ANO3: variants seen among roughly 807,000 people sequenced by gnomAD.
ANO3 encodes anoctamin 3.
ANO3 carries 99 observed loss-of-function variants against 144.8 expected under a neutral mutation model. That is an observed-to-expected ratio of 0.68 (90% confidence interval 0.58 to 0.81). The LOEUF (loss-of-function observed/expected upper bound fraction) is 0.81. Ranked by LOEUF, ANO3 falls within the 30% of genes least tolerant of loss-of-function variation. ANO3 has a pLI of 0.00. For synonymous variants in ANO3, 414 were observed against 392.6 expected, an observed-to-expected ratio of 1.05 and a Z score of -0.64; for missense variants, 905 against 1,202.2, an observed-to-expected ratio of 0.75 and a Z score of 3.66.
chr11:26,287,252 A>C (rs760929352), intron 1 of ANO3: 3 of 152,210 alleles, frequency 2.0e-5, no homozygotes, highest in Non-Finnish European at 4.4e-5. Context: ...CAATTAATAA[A>C]TATGCTATGA....
At chr11:26,522,199 C>CAACAAA (rs1400624457) in intron 6 of ANO3, among the ~76,000 whole-genome samples, 2 of 143,462 alleles carry the variant, frequency 1.4e-5, no homozygotes, top group Non-Finnish European at 3.1e-5. Context: ...AAACAAACAG[C>CAACAAA]AACAACAACA....
chr11:26,631,100 T>G (rs1852762968), intron 18 of ANO3, among the ~76,000 whole-genome samples: 1 of 152,024 alleles, frequency 6.6e-6, no homozygotes, highest in Non-Finnish European at 1.5e-5. Context: ...TGTTTTAACT[T>G]GTCAACTGAA....
intron 1 of ANO3, among the ~76,000 whole-genome samples, chr11:26,414,757 T>TAAAAA (rs763202737): frequency 3.8e-5 from 3 of 79,550 alleles, no homozygotes; most frequent in Non-Finnish European, 6.0e-5. Context: ...TACAGTAAAG[T>TAAAAA]TAAAAAAAAA....
intron 1 of ANO3, among the ~76,000 whole-genome samples, chr11:26,373,097 C>T (rs903210334): frequency 5.9e-5 from 9 of 152,038 alleles, no homozygotes; most frequent in South Asian, 4.1e-4. Context: ...TATGTATATA[C>T]GGGCAGACAC....
At chr11:26,500,761 G>T (rs1032264485) in intron 4 of ANO3, among the ~76,000 whole-genome samples, 30 of 151,306 alleles carry the variant, frequency 2.0e-4, no homozygotes, top group South Asian at 4.2e-4. Flanking sequence ...ACTTTCACTT[G>T]CTTTATGGTA....
chr11:26,385,453 T>TCTC, intron 1 of ANO3, among the ~76,000 whole-genome samples: 1 of 152,214 alleles, frequency 6.6e-6, no homozygotes, highest in East Asian at 1.9e-4. Flanking sequence ...ATGGCTGATT[T>TCTC]CTTCTGCAGG....
intron 17 of ANO3, among the ~76,000 whole-genome samples, chr11:26,618,036 T>A (rs1044587810): frequency 3.3e-5 from 5 of 152,192 alleles, no homozygotes; most frequent in African/African-American, 1.2e-4. Context: ...AAACTAAATA[T>A]GCAGCTAATA....
intron 1 of ANO3, among the ~76,000 whole-genome samples, chr11:26,374,102 A>G (rs1434345051): frequency 6.6e-6 from 1 of 152,212 alleles, no homozygotes; most frequent in African/African-American, 2.4e-5. Context: ...TGTCATAGGT[A>G]CTTGTGTTTT....
Position 26,315,666 on chromosome 11 carries a change from TATCTATCTATCTATCTATCC to T in ANO3, c.-3+5967_-3+5986del, listed in dbSNP as rs538195336. On this transcript the variant is annotated intron_variant, in intron 1 of 26. Coordinates refer to the ANO3 transcript ENST00000525139. ...GGACCTATCTATCTGTCTGTCTATC[TATCTATCTATCTATCTATCC>T]ATCTATCTATCTATCTATCTATCTA... is the stretch of plus-strand genomic sequence containing the variant. Among the ~76,000 whole-genome samples, 594 of 145,024 alleles carry T rather than the reference TATCTATCTATCTATCTATCC, an allele frequency of 4.1e-3. 2 individuals carry two copies. Among genetic ancestry groups the T allele is most frequent in the East Asian group, 0.025 (104 of 4,144 alleles).
At chr11:26,527,559 T>C (rs1021634509) in intron 7 of ANO3, among the ~76,000 whole-genome samples, 8 of 152,120 alleles carry the variant, frequency 5.3e-5, no homozygotes, top group Non-Finnish European at 7.4e-5. Flanking sequence ...GTTTGAAAAG[T>C]GGAAAATTGA....
intron 4 of ANO3, among the ~76,000 whole-genome samples, chr11:26,496,952 C>G (rs1860970871): frequency 7.0e-6 from 1 of 143,800 alleles, no homozygotes; most frequent in Non-Finnish European, 1.5e-5. Context: ...TCACAGATGA[C>G]TGTAAAGAGA....
At chr11:26,637,160 A>T (rs2133048253) in intron 20 of ANO3, among the ~76,000 whole-genome samples, 1 of 152,276 alleles carries the variant, frequency 6.6e-6, no homozygotes. Context: ...ACCCACAAAA[A>T]CTATTGGACC....
In ANO3 at chr11:26,292,909, C is replaced by T. The variant is rs532105546; in HGVS notation, c.155-16736C>T. On this transcript the variant is annotated intron_variant, in intron 1 of 27. Coordinates refer to the ANO3 transcript ENST00000672621. ...GGGACCCACGAGGAGGCAGTCTGTC[C>T]GTTCTCAGATCTCAAACTCCGTGCT... Among the ~76,000 whole-genome samples, 10 of 152,228 alleles carry T rather than the reference C, an allele frequency of 6.6e-5. No homozygotes were observed. The South Asian group carries it at 1.7e-3, about 25-fold the overall frequency.
At chr11:26,443,967 T>G in intron 3 of ANO3, 131 bp downstream of exon 3, 1 of 514,310 alleles carries the variant, frequency 1.9e-6, no homozygotes, top group Non-Finnish European at 3.4e-6. Flanking sequence ...TAGGTGAGTA[T>G]AATATTCTGA....
chr11:26,240,021 G>C (rs879274221), intron 1 of ANO3, among the ~76,000 whole-genome samples: 8 of 152,114 alleles, frequency 5.3e-5, no homozygotes, highest in Non-Finnish European at 8.8e-5. Flanking sequence ...GTAAGATGTG[G>C]ATCTCATTTG....
chr11:26,369,399 TCCTCCTTCC>T (rs1856186108), intron 1 of ANO3, among the ~76,000 whole-genome samples: 2 of 152,178 alleles, frequency 1.3e-5, no homozygotes, highest in African/African-American at 4.8e-5. Context: ...CTCCTCCTTC[TCCTCCTTCC>T]CCTACTCATT....
chr11:26,532,545 G>C (rs114961420), intron 8 of ANO3, among the ~76,000 whole-genome samples: 1 of 151,724 alleles, frequency 6.6e-6, no homozygotes, highest in South Asian at 2.1e-4. Context: ...TACTATGTGG[G>C]CATAGATGCC....
At chr11:26,231,579 G>T (rs7940616) in intron 1 of ANO3, among the ~76,000 whole-genome samples, 46,491 of 152,024 alleles carry the variant, frequency 0.31, 7,795 homozygotes, top group Non-Finnish European at 0.37. Context: ...ACATGTCAAA[G>T]TAAGCTGAGA....
intron 3 of ANO3, among the ~76,000 whole-genome samples, chr11:26,446,732 C>T (rs1034246509): frequency 3.3e-5 from 5 of 152,160 alleles, no homozygotes; most frequent in Non-Finnish European, 7.3e-5. Context: ...GATCAATGAG[C>T]CATTCTTAGT....
Sources: gnomAD v4.1 joint callset for allele counts (sites outside exome capture counted in the v4.1 genomes callset) on GRCh38, gnomAD v4.1.1 for gene constraint, MANE v1.5 for transcripts, NCBI Gene and HGNC (gene_info 2026-07-23, HGNC 2026-07-21) for gene names.